Variants in WWC2 observed in about 807,000 individuals in gnomAD.
WWC2 encodes the protein WW and C2 domain containing 2.
In WWC2, 101 loss-of-function variants were observed where a neutral mutation model predicts 138.5. The ratio of observed to expected loss-of-function variants is 0.73; its 90% CI spans 0.62 to 0.86. WWC2 has a LOEUF of 0.86. WWC2 is among the 40% of genes least tolerant of loss of function. WWC2 has a pLI of 0.00. For missense variants in WWC2, 1,420 were observed against 1,419.4 expected, an observed-to-expected ratio of 1.00 and a Z score of -0.01; for synonymous variants, 558 against 538.4, an observed-to-expected ratio of 1.04 and a Z score of -0.50.
In WWC2 at chr4:183,225,759, A is replaced by T. The variant is rs28734041; in HGVS notation, c.523-14424A>T. On this transcript the variant is annotated intron_variant, in intron 4 of 22. Transcript: ENST00000403733. ...GTAGCAGAGAACAGATACATTTCAG[A>T]CACTATTCTAGGCAGTGAGATGTAG... is the stretch of plus-strand genomic sequence containing the variant. Among the ~76,000 whole-genome samples, 507 of 152,350 alleles carry T rather than the reference A, an allele frequency of 3.3e-3. 6 individuals are homozygous for T. The highest frequency in any genetic ancestry group is 0.01 in the African/African-American group (429 of 41,582).
chr4:183,300,936 G>C (rs73006725), intron 21 of WWC2, among the ~76,000 whole-genome samples: 14,333 of 152,146 alleles, frequency 0.094, 771 homozygotes, highest in South Asian at 0.17. Flanking sequence ...ACAGGATCCT[G>C]CGAGCCTGTC....
Position 183,253,836 on chromosome 4 carries a change from C to G in WWC2, c.1033C>G (p.Leu345Val). 1 of 1,613,518 alleles carries G rather than the reference C, an allele frequency of 6.2e-7. No individual in the cohort carries two copies. The highest frequency in any genetic ancestry group is 8.5e-7 in the Non-Finnish European group (1 of 1,179,776). Residue 345 changes from leucine to valine, a missense_variant, in exon 9 of 23, where the codon CTG becomes GTG. Coordinates refer to ENST00000403733, the MANE Select transcript of WWC2 (RefSeq NM_024949.6). ...GGCACTGGATATTGAGAAGGAAAAA[C>G]TGATGCTGATTAATGAAAAAGAAGA... The part of the protein sequence containing the change: ...PGALDIEKEK[L>V]MLINEKEELL...
At chr4:183,217,317 AT>A (rs768067564) in intron 4 of WWC2, among the ~76,000 whole-genome samples, 3 of 152,162 alleles carry the variant, frequency 2.0e-5, no homozygotes, top group Non-Finnish European at 2.9e-5. Flanking sequence ...TGTTGGGTAT[AT>A]TCTAAAAGTG....
intron 20 of WWC2, among the ~76,000 whole-genome samples, chr4:183,286,569 A>G (rs1017597202): frequency 3.9e-5 from 6 of 152,232 alleles, no homozygotes; most frequent in African/African-American, 1.4e-4. Context: ...GGGTCTCTGC[A>G]TGAGCCTTAA....
At chr4:183,281,120 G>T in intron 17 of WWC2, 2 of 535,594 alleles carry the variant, frequency 3.7e-6, no homozygotes, top group East Asian at 3.5e-5. Context: ...CTTTGTTCTT[G>T]TTTCGAGTAA....
chr4:183,099,355 C>A lies in WWC2; in HGVS notation c.-137C>A. ...GCACCTCCCGCGCGTGGTTCCGCCG[C>A]GCCCCGCGCCCTGCGCCCCTCAGCC... On this transcript the variant is annotated 5_prime_UTR_variant, in exon 1 of 23. Transcript: ENST00000403733. 1 of 910,698 alleles carries A rather than the reference C, an allele frequency of 1.1e-6. No individual in the cohort carries two copies. Among genetic ancestry groups the A allele is most frequent in the Non-Finnish European group, 1.4e-6 (1 of 722,110 alleles). The allele number at this position is 910,698 out of a possible 1,614,324, so 56.4% of individuals were successfully genotyped here.
intron 1 of WWC2, among the ~76,000 whole-genome samples, chr4:183,192,854 G>C (rs747457848): frequency 7.4e-5 from 11 of 149,228 alleles, no homozygotes; most frequent in Non-Finnish European, 1.3e-4. Context: ...AAGAGAGTGA[G>C]AAAAAAAAAA....
At chr4:183,185,061 A>C (rs181969026) in intron 1 of WWC2, among the ~76,000 whole-genome samples, 1 of 152,084 alleles carries the variant, frequency 6.6e-6, no homozygotes, top group African/African-American at 2.4e-5. Flanking sequence ...CTCAAGGTGA[A>C]CTTCTGGTCC....
In WWC2 at chr4:183,103,331, C is replaced by CT. The variant is rs772364256; in HGVS notation, c.131+3728dup. Among the ~76,000 whole-genome samples the CT allele has an allele frequency of 7.0e-3, 862 of 123,776 alleles. 11 individuals carry two copies. The highest frequency in any genetic ancestry group is 0.013 in the African/African-American group (406 of 32,122). 81.2% of individuals were successfully genotyped at this position (123,776 alleles called of 152,430 possible). A position where few individuals can be genotyped will look rare whatever the true frequency, so the allele number is the denominator to read the frequency against. On this transcript the variant is annotated intron_variant, in intron 1 of 22. Transcript: ENST00000403733. ...TAGGATCAGAGGAACTCTGTATTGT[C>CT]TTTTTTTTTTTTTTTTTTTGAGACG... is the stretch of plus-strand genomic sequence containing the variant.
chr4:183,295,395 C>G (rs1482955539), intron 21 of WWC2, among the ~76,000 whole-genome samples: 1 of 152,166 alleles, frequency 6.6e-6, no homozygotes, highest in East Asian at 1.9e-4. Context: ...GGATTTCACC[C>G]TGGGGCTTAC....
chr4:183,194,512 T>C (rs1735080698), intron 2 of WWC2, among the ~76,000 whole-genome samples: 1 of 152,224 alleles, frequency 6.6e-6, no homozygotes, highest in Non-Finnish European at 1.5e-5. Flanking sequence ...ATGAATTTAT[T>C]CCTCATTGTC....
At chr4:183,243,157 T>G (rs1245844903) in intron 5 of WWC2, among the ~76,000 whole-genome samples, 1 of 152,228 alleles carries the variant, frequency 6.6e-6, no homozygotes, top group Non-Finnish European at 1.5e-5. Flanking sequence ...TTAAGGTTTT[T>G]TTCTGAAAAC....
At chr4:183,240,309 A>C (rs1420082308) in intron 5 of WWC2, 47 bp downstream of exon 5, 1 of 1,400,468 alleles carries the variant, frequency 7.1e-7, no homozygotes, top group East Asian at 2.5e-5. Flanking sequence ...CTCCCTAACT[A>C]GTATGAATAC....
chr4:183,105,817 G>A (rs1385834193), intron 1 of WWC2, among the ~76,000 whole-genome samples: 3 of 151,792 alleles, frequency 2.0e-5, no homozygotes, highest in Non-Finnish European at 4.4e-5. Context: ...GTGAACCCGG[G>A]AAGCGGAGCT....
At chr4:183,213,632 T>C (rs1735670422) in intron 4 of WWC2, among the ~76,000 whole-genome samples, 1 of 152,222 alleles carries the variant, frequency 6.6e-6, no homozygotes, top group Admixed American at 6.5e-5. Flanking sequence ...CTGATAATCA[T>C]TGGGCTTGTT....
chr4:183,252,034 TGGG>T (rs1736996033), intron 8 of WWC2, among the ~76,000 whole-genome samples: 1 of 152,158 alleles, frequency 6.6e-6, no homozygotes, highest in Non-Finnish European at 1.5e-5. Flanking sequence ...TAAGTGCAGA[TGGG>T]GGGAGAAAAT....
intron 2 of WWC2, among the ~76,000 whole-genome samples, chr4:183,195,546 T>C (rs760673932): frequency 3.3e-5 from 5 of 152,244 alleles, no homozygotes; most frequent in Non-Finnish European, 7.3e-5. Context: ...GTATCTTTAC[T>C]AGTTATTTCC....
At chr4:183,248,405 T>G (rs889808555) in intron 6 of WWC2, among the ~76,000 whole-genome samples, 1 of 152,218 alleles carries the variant, frequency 6.6e-6, no homozygotes, top group Admixed American at 6.5e-5. Context: ...GAAATAGAGA[T>G]AACTTCTTAA....
chr4:183,252,951 C>G (rs917005790), intron 8 of WWC2, among the ~76,000 whole-genome samples: 1 of 152,144 alleles, frequency 6.6e-6, no homozygotes, highest in Admixed American at 6.5e-5. Context: ...CTCACTGTGG[C>G]CTCAAACTCC....
Sources: gnomAD v4.1 joint callset for allele counts (sites outside exome capture counted in the v4.1 genomes callset) on GRCh38, gnomAD v4.1.1 for gene constraint, MANE v1.5 for transcripts, NCBI Gene and HGNC (gene_info 2026-07-23, HGNC 2026-07-21) for gene names.